The following RPAP1 variants were observed in gnomAD, a reference collection of about 807,000 sequenced individuals.
RPAP1 encodes RNA polymerase II-associated protein 1.
Under a neutral mutation model 142.4 loss-of-function variants are expected in RPAP1, and 109 were observed. The observed-to-expected ratio is 0.77, with a 90% CI of 0.66 to 0.90. RPAP1 has a LOEUF of 0.90. Ranked by LOEUF, RPAP1 falls within the 40% of genes least tolerant of loss-of-function variation. RPAP1 has a pLI of 0.00. For missense variants in RPAP1, 1,546 were observed against 1,751.7 expected (o/e 0.88, Z 2.10); for synonymous variants, 704 against 738.9 (o/e 0.95, Z 0.77).
In RPAP1 at chr15:41,536,942, C is replaced by G. The variant is rs974659666; in HGVS notation, c.181+3G>C. 1.2e-6 allele frequency: 2 copies of G among 1,612,722 alleles called. No homozygotes were observed. Among genetic ancestry groups the G allele is most frequent in the Non-Finnish European group, 1.7e-6 (2 of 1,179,042 alleles). ...TCTCAGCCTCACATCCATGGGAACT[C>G]ACTGTCCAACATCACCACATCCCGA... On this transcript the variant is annotated splice_donor_region_variant and intron_variant, in intron 2 of 24. Coordinates refer to ENST00000304330, the MANE Select transcript of RPAP1 (RefSeq NM_015540.4).
intron 1 of RPAP1, among the ~76,000 whole-genome samples, chr15:41,537,547 T>C (rs1477174118): frequency 6.6e-6 from 1 of 152,096 alleles, no homozygotes; most frequent in African/African-American, 2.4e-5. Context: ...CCTAAAGGTA[T>C]GTAAATTATT....
intron 6 of RPAP1, among the ~76,000 whole-genome samples, chr15:41,532,238 T>G (rs560264719): frequency 1.3e-5 from 2 of 152,298 alleles, no homozygotes; most frequent in African/African-American, 4.8e-5. Context: ...GCCAGGATGG[T>G]CTCAATGTCT....
rs773635331 is a variant in RPAP1, at chr15:41,527,000, C to A, written c.1815G>T (p.Val605=). Residue 605 remains valine (V), a synonymous_variant, in exon 14 of 25, where the codon GTG becomes GTT. Coordinates refer to ENST00000304330, the MANE Select transcript of RPAP1 (RefSeq NM_015540.4). The stretch of plus-strand genomic sequence containing the variant: ...ATAGACTAGGGGTAGGCCCTGCCCC[C>A]ACAGGAGACCAACTGGTGGGCAAGA... The part of the protein sequence containing the change: ...REFLPTSWSP[V]GAGPTPSLYK... 20 of 1,614,204 alleles carry A rather than the reference C, an allele frequency of 1.2e-5. No homozygotes were observed. Among genetic ancestry groups the A allele is most frequent in the Middle Eastern group, 1.6e-4 (1 of 6,062 alleles).
At chr15:41,523,708 G>T in intron 17 of RPAP1, 63 bp downstream of exon 17, 1 of 1,381,894 alleles carries the variant, frequency 7.2e-7, no homozygotes, top group Non-Finnish European at 1.0e-6. Flanking sequence ...AGGGAGCAAC[G>T]GGTGGAATGT....
At chr15:41,523,150 C>A (rs2051748416) in intron 18 of RPAP1, 95 bp downstream of exon 18, 1 of 1,048,268 alleles carries the variant, frequency 9.5e-7, no homozygotes, top group Non-Finnish European at 1.4e-6. Flanking sequence ...AGGGCCTGCA[C>A]CCTGGGATGG....
chr15:41,532,838 G>A (rs12906097), intron 6 of RPAP1, among the ~76,000 whole-genome samples: 63,474 of 151,650 alleles, frequency 0.42, 14,738 homozygotes, highest in South Asian at 0.53. Context: ...AATTAGCTGG[G>A]TGTGGTGGTG....
Position 41,517,353 on chromosome 15 carries a change from G to A in RPAP1, c.*189C>T, listed in dbSNP as rs1279915012. 4 of 517,566 alleles carry A rather than the reference G, an allele frequency of 7.7e-6. No homozygotes were observed. The highest frequency in any genetic ancestry group is 6.7e-6 in the Non-Finnish European group (2 of 297,148). The allele number at this position is 517,566 out of a possible 1,614,324, so 32.1% of individuals were successfully genotyped here. On this transcript the variant is annotated 3_prime_UTR_variant, in exon 25 of 25. Transcript: ENST00000304330. ...CCAGTACAGACCTTCAGAAGCCCCA[G>A]ATATCAGGATGTAATGGTAGGGCTC...
chr15:41,533,665 C>A (rs985516991), intron 6 of RPAP1, among the ~76,000 whole-genome samples: 1 of 151,614 alleles, frequency 6.6e-6, no homozygotes, highest in Non-Finnish European at 1.5e-5. Context: ...CCCGTCTCTA[C>A]TAAAAATACA....
At chr15:41,535,701 T>G in intron 4 of RPAP1, 69 bp from the exon 5 acceptor site, 1 of 1,568,174 alleles carries the variant, frequency 6.4e-7, no homozygotes, top group Admixed American at 1.9e-5. Flanking sequence ...CCTCTTTATA[T>G]CAAGGCCTCT....
chr15:41,532,978 C>CAAAA (rs56292925), intron 6 of RPAP1, among the ~76,000 whole-genome samples: 5 of 66,662 alleles, frequency 7.5e-5, no homozygotes, highest in Non-Finnish European at 1.0e-4. Flanking sequence ...GACTCCGTCT[C>CAAAA]AAAAAAAAAA....
At chr15:41,528,212 G>C (rs751588240) in intron 10 of RPAP1, 23 bp downstream of exon 10, 4 of 1,579,222 alleles carry the variant, frequency 2.5e-6, no homozygotes, top group Non-Finnish European at 3.5e-6. Flanking sequence ...GGGTGGGCAG[G>C]ACCAGGCTGG....
intron 9 of RPAP1, among the ~76,000 whole-genome samples, chr15:41,528,917 G>A (rs1222252874): frequency 6.6e-6 from 1 of 152,172 alleles, no homozygotes; most frequent in Non-Finnish European, 1.5e-5. Context: ...ATGGCAGGGG[G>A]GCGGAGAATG....
chr15:41,521,913 CAGG>C (rs2051729887), intron 20 of RPAP1, 33 bp from the exon 21 acceptor site: 4 of 1,607,308 alleles, frequency 2.5e-6, no homozygotes, highest in South Asian at 1.1e-5. Context: ...CTACCTAGTA[CAGG>C]AGAAGGGGAC....
At chr15:41,525,313 A>C in intron 14 of RPAP1, 165 bp from the exon 15 acceptor site, 2 of 380,782 alleles carry the variant, frequency 5.3e-6, no homozygotes, top group Non-Finnish European at 9.1e-6. Context: ...TTTATTTAAA[A>C]TTTCAATTTT....
chr15:41,527,032 G>C lies in RPAP1; in HGVS notation c.1783C>G (p.Arg595Gly), dbSNP rs1361248073. Residue 595 changes from arginine to glycine, a missense_variant, in exon 14 of 25, where the codon CGA becomes GGA. By Grantham distance (125) the Arg-to-Gly change is moderately radical. Coordinates refer to ENST00000304330, the MANE Select transcript of RPAP1 (RefSeq NM_015540.4). ...ECPRLIETIV[R>G]EFLPTSWSPV... ...GACCAACTGGTGGGCAAGAACTCTC[G>C]AACTATAGTCTCTATCAGCCGAGGG... The C allele has an allele frequency of 1.2e-6, 2 of 1,614,046 alleles. No homozygotes were observed. The highest frequency in any genetic ancestry group is 1.7e-6 in the Non-Finnish European group (2 of 1,180,046).
intron 2 of RPAP1, 68 bp from the exon 3 acceptor site, chr15:41,536,717 A>G (rs1379118574): frequency 1.9e-6 from 3 of 1,562,372 alleles, no homozygotes; most frequent in Non-Finnish European, 2.6e-6. Flanking sequence ...CAGGCTAGGG[A>G]AGAAAGACAG....
At position 41,523,819 on chromosome 15, in the gene RPAP1, A is replaced by G; in HGVS notation, c.2388T>C (p.Val796=). The part of the protein sequence containing the change: ...EMWRAVGPVP[V]ACLLFLGAYY... ...AGGCTCCCAGGAACAACAGGCAGGC[A>G]ACGGGCACTGGGCCCACGGCTCTCC... Residue 796 remains valine, a synonymous_variant, in exon 17 of 25, where the codon GTT becomes GTC. Transcript: ENST00000304330. The G allele has an allele frequency of 6.2e-7, 1 of 1,609,760 alleles. No individual in the cohort carries two copies. The highest frequency in any genetic ancestry group is 8.5e-7 in the Non-Finnish European group (1 of 1,178,186).
At chr15:41,534,490 G>A (rs1358295443) in intron 6 of RPAP1, among the ~76,000 whole-genome samples, 1 of 150,092 alleles carries the variant, frequency 6.7e-6, no homozygotes, top group Non-Finnish European at 1.5e-5. Flanking sequence ...GGAGGCTGAA[G>A]TGGGAGGATT....
chr15:41,541,802 G>A (rs1452363590), intron 1 of RPAP1, among the ~76,000 whole-genome samples: 3 of 152,066 alleles, frequency 2.0e-5, no homozygotes, highest in Non-Finnish European at 4.4e-5. Flanking sequence ...AGCCAAGATC[G>A]TGCCACTGCA....
Sources: allele counts gnomAD v4.1 joint callset (sites outside exome capture counted in the v4.1 genomes callset), GRCh38; gene constraint gnomAD v4.1.1; transcripts MANE v1.5; gene names NCBI Gene and HGNC (gene_info 2026-07-23, HGNC 2026-07-21).